CCDC14: variants seen among roughly 807,000 people sequenced by gnomAD.
The protein encoded by CCDC14 is coiled-coil domain containing 14, also known as coiled-coil domain-containing protein 14.
In CCDC14, 71 loss-of-function variants were observed where a neutral mutation model predicts 81.4. That is an observed-to-expected ratio of 0.87 (90% CI 0.72 to 1.06). CCDC14 has a LOEUF of 1.06. Ranked by LOEUF, CCDC14 falls within the 50% of genes least tolerant of loss-of-function variation. The pLI is 0.00. For missense variants in CCDC14, 1,046 were observed against 1,047.3 expected, an observed-to-expected ratio of 1.00 and a Z score of 0.02; for synonymous variants, 332 against 364.8, an observed-to-expected ratio of 0.91 and a Z score of 1.03.
intron 3 of CCDC14, 116 bp from the exon 4 acceptor site, chr3:123,956,231 A>T (rs902591453): frequency 5.5e-6 from 7 of 1,277,172 alleles, no homozygotes; most frequent in Non-Finnish European, 7.5e-6. Flanking sequence ...GGTAGAAAAG[A>T]TGTTTTAAAG....
the CCDC14 span, among the ~76,000 whole-genome samples, chr3:123,891,912 G>T: frequency 5.3e-5 from 8 of 152,196 alleles, no homozygotes; most frequent in Non-Finnish European, 1.2e-4. Context: ...GAGGTTTAAT[G>T]GACTTACAGT....
chr3:123,960,310 G>C (rs1044820310), intron 1 of CCDC14, among the ~76,000 whole-genome samples: 1 of 152,194 alleles, frequency 6.6e-6, no homozygotes, highest in Admixed American at 6.5e-5. Flanking sequence ...TCCATACCCT[G>C]TGAGTTATTA....
downstream of CCDC14, among the ~76,000 whole-genome samples, chr3:123,911,223 T>C (rs1424842825): frequency 6.6e-6 from 1 of 152,184 alleles, no homozygotes; most frequent in African/African-American, 2.4e-5. Flanking sequence ...GATCTTATCA[T>C]CTCTGGTAAT....
At chr3:123,886,678 G>A in the CCDC14 span, among the ~76,000 whole-genome samples, 4 of 152,120 alleles carry the variant, frequency 2.6e-5, no homozygotes, top group African/African-American at 7.2e-5. Flanking sequence ...TTACAGGCAT[G>A]AGCCACCCCG....
At chr3:123,933,927 T>TATTA (rs1393721324) in intron 9 of CCDC14, among the ~76,000 whole-genome samples, 172 bp from the exon 10 acceptor site, 11 of 152,076 alleles carry the variant, frequency 7.2e-5, no homozygotes, top group African/African-American at 2.7e-4. Context: ...ACCATACTAC[T>TATTA]ATTATTATGA....
chr3:123,902,303 T>C (rs2034193851), intron 5 of CCDC14, among the ~76,000 whole-genome samples: 1 of 151,934 alleles, frequency 6.6e-6, no homozygotes, highest in Non-Finnish European at 1.5e-5. Flanking sequence ...TGAAAAAGAG[T>C]AGATTTAGAC....
At chr3:123,925,654 T>C (rs1260434671) in intron 12 of CCDC14, among the ~76,000 whole-genome samples, 2 of 152,164 alleles carry the variant, frequency 1.3e-5, no homozygotes, top group African/African-American at 2.4e-5. Context: ...CAGGCTGGTC[T>C]CAAACTCCTG....
intron 5 of CCDC14, among the ~76,000 whole-genome samples, chr3:123,908,060 T>C (rs922395854): frequency 6.6e-6 from 1 of 151,994 alleles, no homozygotes; most frequent in Admixed American, 6.6e-5. Context: ...AGAGTTACCA[T>C]ATAAAGACAC....
At chr3:123,936,477 C>T (rs2036062572) in intron 9 of CCDC14, among the ~76,000 whole-genome samples, 1 of 151,716 alleles carries the variant, frequency 6.6e-6, no homozygotes, top group African/African-American at 2.4e-5. Flanking sequence ...GTAAAACCAC[C>T]ATCACAATTA....
rs768098040 is a variant in CCDC14, at chr3:123,914,865, G to C, written c.2632C>G (p.Gln878Glu). 8 of 1,611,920 alleles carry C rather than the reference G, an allele frequency of 5.0e-6. No individual in the cohort carries two copies. In the Admixed American group the frequency reaches 5.0e-5, roughly 10 times the overall value. The change falls in exon 13 of 13, where the codon CAA (glutamine) becomes GAA (glutamate). Residue 878 changes from glutamine (Q) to glutamate (E), a missense_variant. Physicochemically the swap from Gln to Glu is conservative, Grantham distance 29. Transcript: ENST00000409697. ...GCCGCAAGGCCATTTCTGAAGTCTT[G>C]TTCATCACGAGAAGTGAACGTTGAA... is the stretch of plus-strand genomic sequence containing the variant. ...SFSTFTSRDE[Q>E]DFRNGLAALD...
At chr3:123,892,953 T>C (rs1355576816), downstream of CCDC14, among the ~76,000 whole-genome samples, 2 of 152,002 alleles carry the variant, frequency 1.3e-5, no homozygotes, top group Non-Finnish European at 2.9e-5. Flanking sequence ...TATAGGTGCG[T>C]GCCACAACAC....
chr3:123,934,650 C>T (rs1372926994), intron 9 of CCDC14, among the ~76,000 whole-genome samples: 2 of 152,142 alleles, frequency 1.3e-5, no homozygotes, highest in Non-Finnish European at 2.9e-5. Context: ...TATGTATCTG[C>T]TTCACAAATA....
At chr3:123,902,946 G>T (rs948305403) in intron 5 of CCDC14, among the ~76,000 whole-genome samples, 1 of 151,932 alleles carries the variant, frequency 6.6e-6, no homozygotes. Context: ...TTAGGTATTT[G>T]TCCTAATACT....
downstream of CCDC14, among the ~76,000 whole-genome samples, chr3:123,895,690 C>A (rs2034050369): frequency 1.3e-5 from 2 of 152,290 alleles, no homozygotes; most frequent in South Asian, 4.1e-4. Context: ...CTAGGTAAAA[C>A]CTCCAGCAAA....
At position 123,913,615 on chromosome 3, in the gene CCDC14, C is replaced by G. The variant is rs926242025; in HGVS notation, c.*1164G>C. 1.0e-6 allele frequency: 1 copy of G among 982,936 alleles called. No homozygotes were observed. The highest frequency in any genetic ancestry group is 6.2e-5 in the Admixed American group (1 of 16,028). 60.9% of individuals were successfully genotyped at this position (982,936 alleles called of 1,614,324 possible). ...AGACTTAAATCTCTATCTGGAAAAT[C>G]TGAACATATCAAAGAGACTACAGCT... On this transcript the variant is annotated 3_prime_UTR_variant, in exon 13 of 13. Transcript: ENST00000409697.
At chr3:123,932,802 T>G (rs1274677823) in intron 10 of CCDC14, among the ~76,000 whole-genome samples, 2 of 152,124 alleles carry the variant, frequency 1.3e-5, no homozygotes, top group African/African-American at 4.8e-5. Flanking sequence ...TATAAATCTA[T>G]CCTACAAAAA....
intron 1 of CCDC14, among the ~76,000 whole-genome samples, chr3:123,960,303 A>G (rs1383834038): frequency 6.6e-6 from 1 of 152,246 alleles, no homozygotes; most frequent in African/African-American, 2.4e-5. Context: ...CACTTAATCC[A>G]TACCCTGTGA....
chr3:123,923,006 T>C (rs970206171), intron 12 of CCDC14, among the ~76,000 whole-genome samples: 2 of 152,094 alleles, frequency 1.3e-5, no homozygotes, highest in Admixed American at 1.3e-4. Flanking sequence ...ATATCTCTGA[T>C]GAACACAGAC....
chr3:123,943,095 T>C (rs2036439090), intron 9 of CCDC14, among the ~76,000 whole-genome samples: 1 of 151,880 alleles, frequency 6.6e-6, no homozygotes, highest in Non-Finnish European at 1.5e-5. Context: ...GGTGTGTGTG[T>C]ATGTTTATTA....
Sources: gnomAD v4.1 joint callset for allele counts (sites outside exome capture counted in the v4.1 genomes callset) on GRCh38, gnomAD v4.1.1 for gene constraint, MANE v1.5 for transcripts, NCBI Gene and HGNC (gene_info 2026-07-23, HGNC 2026-07-21) for gene names.